Variants in GALNTL6 observed in about 807,000 individuals in gnomAD.
GALNTL6 encodes polypeptide N-acetylgalactosaminyltransferase like 6, also known as polypeptide N-acetylgalactosaminyltransferase-like 6.
GALNTL6 carries 46 observed loss-of-function variants against 73.7 expected under a neutral mutation model. That is an observed-to-expected ratio of 0.62 (90% CI 0.49 to 0.80). GALNTL6 has a LOEUF of 0.80. Among genes scored for constraint, GALNTL6 ranks in the 30% least tolerant of loss-of-function variants. The probability of loss-of-function intolerance (pLI) is 0.00; values close to 1 mark genes in which losing one functional copy is unlikely to be tolerated. For synonymous variants in GALNTL6, 259 were observed against 263.7 expected (o/e 0.98, Z 0.17); for missense variants, 604 against 755.0 (o/e 0.80, Z 2.34).
rs182306460 is a variant in GALNTL6, at chr4:172,313,422, C to A, written c.386+1670C>A. 1.6e-3 allele frequency among the ~76,000 whole-genome samples: 248 copies of A among 152,146 alleles called. 4 individuals are homozygous for A. The highest frequency in any genetic ancestry group is 0.014 in the Admixed American group (207 of 15,282). ...ACAGGCTGAGCCACCGTGCCCGGTC[C>A]CCACCCCAACACTTCTAATCTCAAT... On this transcript the variant is annotated intron_variant, in intron 4 of 12. Coordinates refer to ENST00000506823, the MANE Select transcript of GALNTL6 (RefSeq NM_001034845.3).
chr4:171,913,808 T>C (rs1284078035), intron 2 of GALNTL6, among the ~76,000 whole-genome samples: 2 of 151,986 alleles, frequency 1.3e-5, no homozygotes, highest in Non-Finnish European at 2.9e-5. Flanking sequence ...GTACTACATA[T>C]TATGTTTGAA....
chr4:172,303,869 G>A (rs568130042), intron 3 of GALNTL6, among the ~76,000 whole-genome samples: 2 of 152,196 alleles, frequency 1.3e-5, no homozygotes, highest in Admixed American at 1.3e-4. Context: ...GAATGAAACA[G>A]TAGTTACTGT....
chr4:172,182,550 T>C (rs1333270366), intron 2 of GALNTL6, among the ~76,000 whole-genome samples: 1 of 43,034 alleles, frequency 2.3e-5, no homozygotes, highest in Admixed American at 3.2e-4. Flanking sequence ...CAATGAAAAA[T>C]ACCAAAAAAA....
At chr4:172,305,323 A>AT (rs1235869154) in intron 3 of GALNTL6, among the ~76,000 whole-genome samples, 1 of 152,064 alleles carries the variant, frequency 6.6e-6, no homozygotes, top group Non-Finnish European at 1.5e-5. Flanking sequence ...TAAGACAGCA[A>AT]TTTTTCTGCT....
chr4:172,284,751 C>T (rs1337314032), intron 3 of GALNTL6, among the ~76,000 whole-genome samples: 1 of 152,102 alleles, frequency 6.6e-6, no homozygotes, highest in African/African-American at 2.4e-5. Flanking sequence ...GATTTCCTTT[C>T]CCCAGTGTAT....
chr4:172,064,192 C>T lies in GALNTL6; in HGVS notation c.139-165464C>T, dbSNP rs550864602. On this transcript the variant is annotated intron_variant, in intron 2 of 12. Transcript: ENST00000506823. The stretch of plus-strand genomic sequence containing the variant: ...TTGTAGACATTGTAGTCAGATCATC[C>T]AAGAACATCTATGCTAATTGCATTG... Among the ~76,000 whole-genome samples, 9 of 152,258 alleles carry T rather than the reference C, an allele frequency of 5.9e-5. No individual in the cohort carries two copies. In the East Asian group the frequency reaches 1.4e-3, roughly 23 times the overall value.
chr4:172,079,154 T>C (rs1731799967), intron 2 of GALNTL6, among the ~76,000 whole-genome samples: 1 of 152,102 alleles, frequency 6.6e-6, no homozygotes, highest in Admixed American at 6.5e-5. Context: ...TATATACCTA[T>C]CGAAAATAAG....
At chr4:173,035,188 T>C (rs1753639018) in intron 12 of GALNTL6, among the ~76,000 whole-genome samples, 1 of 151,598 alleles carries the variant, frequency 6.6e-6, no homozygotes, top group African/African-American at 2.4e-5. Context: ...CTCTTTTTTT[T>C]TTTTTTTGAG....
chr4:172,820,689 G>A lies in GALNTL6; in HGVS notation c.923+6966G>A, dbSNP rs1741875005. 2.0e-5 allele frequency among the ~76,000 whole-genome samples: 3 copies of A among 152,176 alleles called. No homozygotes were observed. In the South Asian group the frequency reaches 6.2e-4, roughly 32 times the overall value. ...GGAATATCCATTTGGTAGAGTGGGA[G>A]AACTTTGTTCATTCCCTGCTTCTCA... On this transcript the variant is annotated intron_variant, in intron 7 of 12. Coordinates refer to ENST00000506823, the MANE Select transcript of GALNTL6 (RefSeq NM_001034845.3).
chr4:172,780,422 C>A (rs758702778), intron 5 of GALNTL6, among the ~76,000 whole-genome samples: 2 of 152,114 alleles, frequency 1.3e-5, no homozygotes, highest in Non-Finnish European at 1.5e-5. Flanking sequence ...CATGTCATAA[C>A]CTATACGAAG....
At chr4:172,751,589 A>G (rs543657140) in intron 5 of GALNTL6, among the ~76,000 whole-genome samples, 8 of 152,246 alleles carry the variant, frequency 5.3e-5, no homozygotes, top group Non-Finnish European at 1.2e-4. Context: ...TGATGCCACA[A>G]GAAGGGTGAT....
chr4:172,191,042 T>C (rs12331120), intron 2 of GALNTL6, among the ~76,000 whole-genome samples: 63,046 of 152,066 alleles, frequency 0.41, 13,488 homozygotes, highest in African/African-American at 0.51. Context: ...CCTCCCACCC[T>C]ATGTGTTGAT....
chr4:172,563,990 T>A (rs1266252674), intron 5 of GALNTL6, among the ~76,000 whole-genome samples: 1 of 152,234 alleles, frequency 6.6e-6, no homozygotes, highest in Non-Finnish European at 1.5e-5. Context: ...ATTACAATCC[T>A]GTTTTTAATA....
chr4:171,877,996 C>A (rs913341170), intron 2 of GALNTL6, among the ~76,000 whole-genome samples: 2 of 152,194 alleles, frequency 1.3e-5, no homozygotes, highest in African/African-American at 4.8e-5. Context: ...ATACTGATCA[C>A]ATCAAACATT....
intron 2 of GALNTL6, among the ~76,000 whole-genome samples, chr4:172,029,426 T>C (rs1199295340): frequency 6.6e-6 from 1 of 152,106 alleles, no homozygotes; most frequent in Non-Finnish European, 1.5e-5. Flanking sequence ...ATTACATATG[T>C]GGCTGACACT....
intron 2 of GALNTL6, among the ~76,000 whole-genome samples, chr4:172,010,513 T>G (rs146978194): frequency 3.3e-4 from 50 of 152,210 alleles, no homozygotes; most frequent in South Asian, 1.2e-3. Context: ...TTTTTTCACT[T>G]GTCCAAATGT....
intron 7 of GALNTL6, among the ~76,000 whole-genome samples, chr4:172,842,981 A>C: frequency 6.6e-6 from 1 of 152,100 alleles, no homozygotes; most frequent in East Asian, 1.9e-4. Context: ...TGATGGGGGA[A>C]ATGCACTCAC....
At chr4:172,764,410 A>G (rs1458023736) in intron 5 of GALNTL6, among the ~76,000 whole-genome samples, 1 of 152,170 alleles carries the variant, frequency 6.6e-6, no homozygotes, top group Non-Finnish European at 1.5e-5. Context: ...TTTTCATGCT[A>G]GAATCTATCT....
intron 11 of GALNTL6, among the ~76,000 whole-genome samples, chr4:173,018,546 T>G (rs1752870727): frequency 6.6e-6 from 1 of 152,078 alleles, no homozygotes; most frequent in Non-Finnish European, 1.5e-5. Flanking sequence ...GAAACATAAG[T>G]GGACAATCAT....
Sources: gnomAD v4.1 joint callset for allele counts (sites outside exome capture counted in the v4.1 genomes callset) on GRCh38, gnomAD v4.1.1 for gene constraint, MANE v1.5 for transcripts, NCBI Gene and HGNC (gene_info 2026-07-23, HGNC 2026-07-21) for gene names.